Variants in GPR107 observed in about 807,000 individuals in gnomAD.
GPR107 encodes protein GPR107.
A neutral mutation model predicts 75.5 loss-of-function variants in GPR107; 31 were observed. That is an observed-to-expected ratio of 0.41 (90% CI 0.31 to 0.55). The LOEUF is 0.55. Among genes scored for constraint, GPR107 ranks in the 20% least tolerant of loss-of-function variants. The probability of loss-of-function intolerance (pLI) is 0.26; values close to 1 mark genes in which losing one functional copy is unlikely to be tolerated. For missense variants in GPR107, 572 were observed against 665.7 expected, an observed-to-expected ratio of 0.86 and a Z score of 1.55; for synonymous variants, 267 against 251.3, an observed-to-expected ratio of 1.06 and a Z score of -0.59.
chr9:130,109,409 G>A (rs1831239198), intron 14 of GPR107, among the ~76,000 whole-genome samples: 3 of 151,802 alleles, frequency 2.0e-5, no homozygotes, highest in Admixed American at 2.0e-4. Context: ...GACCTCAAGT[G>A]ATCTGCCTGC....
intron 14 of GPR107, among the ~76,000 whole-genome samples, chr9:130,114,026 ATTCTTTTTTTTT>A (rs1459690207): frequency 2.7e-5 from 2 of 75,406 alleles, no homozygotes; most frequent in Non-Finnish European, 5.8e-5. Context: ...TGGTCTTCTC[ATTCTTTTTTTTT>A]TTTTTTTTTT....
chr9:130,062,561 C>T (rs1829952480), intron 1 of GPR107, among the ~76,000 whole-genome samples: 2 of 151,800 alleles, frequency 1.3e-5, no homozygotes, highest in African/African-American at 2.4e-5. Context: ...GAGACAGGCC[C>T]ATAGACAGGT....
At position 130,090,971 on chromosome 9, in the gene GPR107, AT is replaced by A; in HGVS notation, c.719del (p.Phe240SerfsTer58). 7.0e-7 allele frequency: 1 copy of A among 1,433,850 alleles called. No homozygotes were observed. The highest frequency in any genetic ancestry group is 9.8e-7 in the Non-Finnish European group (1 of 1,017,748). The allele number at this position is 1,433,850 out of a possible 1,614,324, so 88.8% of individuals were successfully genotyped here. On this transcript the variant is annotated frameshift_variant, in exon 8 of 18. Coordinates refer to ENST00000347136, the MANE Select transcript of GPR107 (RefSeq NM_020960.5). LOFTEE classifies it high-confidence loss of function. ...AAGAATTGCCAAGTGACAAGTTTAC[AT>A]TCAGCCTTGATGTGAGTACTGTTTG... is the stretch of plus-strand genomic sequence containing the variant. ...GKELPSDKFT[F>X]SLDIEITEKN...
rs2132627552 is a variant in GPR107 at position 130,112,008 on chromosome 9, G to A, written c.1306+4469G>A. On this transcript the variant is annotated intron_variant, in intron 14 of 17. Coordinates refer to ENST00000347136, the MANE Select transcript of GPR107 (RefSeq NM_020960.5). This position sits in a 1 kb window ranked among gnomAD's most constrained non-coding sequence, Gnocchi z 4.0. ...CTGTCTCGCCTGCTAAGATTTACTG[G>A]CTCTGACTGCCCTTGAGCCCGCATC... is the stretch of plus-strand genomic sequence containing the variant. Among the ~76,000 whole-genome samples the A allele has an allele frequency of 6.6e-6, 1 of 152,226 alleles. No individual in the cohort carries two copies. The highest frequency in any genetic ancestry group is 2.1e-4 in the South Asian group (1 of 4,822).
chr9:130,062,656 G>T (rs12380250), intron 1 of GPR107, among the ~76,000 whole-genome samples: 1,930 of 46,036 alleles, frequency 0.042, 21 homozygotes, highest in African/African-American at 0.052. Context: ...CTGCCTGCCT[G>T]CCTGCCTTCC....
rs1831111915 is a variant in GPR107 at position 130,104,446 on chromosome 9, C to T, written c.1158C>T (p.Ile386=). 2.5e-6 allele frequency: 4 copies of T among 1,613,390 alleles called. No individual in the cohort carries two copies. The highest frequency in any genetic ancestry group is 2.2e-5 in the South Asian group (2 of 91,060). The part of the protein sequence containing the change: ...LQVLANVAYI[I]IESTEEGTTE... The stretch of plus-strand genomic sequence containing the variant: ...TCCTGGCAAATGTAGCCTACATCAT[C>T]ATAGAGTCCACCGAGGAGGGCACGA... The change falls in exon 13 of 18, where the codon ATC becomes ATT. Residue 386 remains isoleucine (I), a synonymous_variant. Transcript: ENST00000347136.
intron 14 of GPR107, among the ~76,000 whole-genome samples, chr9:130,115,562 C>T (rs957961473): frequency 1.3e-5 from 2 of 151,718 alleles, no homozygotes; most frequent in East Asian, 1.9e-4. Flanking sequence ...GCCAGGAGAT[C>T]GAGACCATCC....
At chr9:130,092,663 T>C (rs985351712) in intron 9 of GPR107, among the ~76,000 whole-genome samples, 2 of 152,026 alleles carry the variant, frequency 1.3e-5, no homozygotes, top group African/African-American at 4.8e-5. Context: ...TATCCCAGGC[T>C]GGAGTGCAGT....
chr9:130,080,692 G>C (rs1400439852), intron 5 of GPR107, among the ~76,000 whole-genome samples: 1 of 150,838 alleles, frequency 6.6e-6, no homozygotes, highest in Non-Finnish European at 1.5e-5. Context: ...AGGGTTTCAC[G>C]GTGTTAGCTA....
chr9:130,072,959 C>T (rs556897950), intron 1 of GPR107, among the ~76,000 whole-genome samples: 12 of 152,254 alleles, frequency 7.9e-5, no homozygotes, highest in African/African-American at 2.4e-4. Flanking sequence ...CAACTCAGCG[C>T]ATTTCCAGAA....
chr9:130,106,572 G>A (rs1364276682), intron 13 of GPR107, among the ~76,000 whole-genome samples: 3 of 150,508 alleles, frequency 2.0e-5, no homozygotes, highest in African/African-American at 7.3e-5. Flanking sequence ...ACTCCAGCCT[G>A]GCGACAGAAC....
At chr9:130,134,349 TC>T (rs1588089929) in intron 17 of GPR107, among the ~76,000 whole-genome samples, 2 of 152,196 alleles carry the variant, frequency 1.3e-5, no homozygotes, top group African/African-American at 4.8e-5. Context: ...CCAGCGATCT[TC>T]CATTTTTAAT....
Position 130,137,140 on chromosome 9 carries a change from G to C in GPR107, c.*2019G>C, listed in dbSNP as rs1483784346. ...CGCAAGCAGATGTTGTGGATGAGGC[G>C]ATAGACTCCTTGGCAAGAACGAAAG... On this transcript the variant is annotated 3_prime_UTR_variant, in exon 18 of 18. Coordinates refer to ENST00000347136, the MANE Select transcript of GPR107 (RefSeq NM_020960.5). 1 of 152,244 alleles carries C rather than the reference G, an allele frequency of 6.6e-6. No homozygotes were observed. Among genetic ancestry groups the C allele is most frequent in the African/African-American group, 2.4e-5 (1 of 41,462 alleles). The allele number at this position is 152,244 out of a possible 1,614,324, so 9.4% of individuals were successfully genotyped here. A position where few individuals can be genotyped will look rare whatever the true frequency, so the allele number is the denominator to read the frequency against.
chr9:130,116,641 C>G (rs1831434649), intron 14 of GPR107, among the ~76,000 whole-genome samples: 1 of 152,122 alleles, frequency 6.6e-6, no homozygotes, highest in African/African-American at 2.4e-5. Flanking sequence ...AGTCTGAGAT[C>G]AGCGTGGCCC....
rs1274630051 is a variant in GPR107 at position 130,075,679 on chromosome 9, TC to T, written c.186del (p.Phe62LeufsTer8). ...HKVHLNTFGF[F>X]KDGYMVVNVS... ...GTTCATCTGAACACCTTTGGCTTCT[TC>T]AAGGATGGGTACATGGTGGTGAATG... On this transcript the variant is annotated frameshift_variant, in exon 2 of 18. Coordinates refer to ENST00000347136, the MANE Select transcript of GPR107 (RefSeq NM_020960.5). LOFTEE classifies it high-confidence loss of function. The T allele has an allele frequency of 6.2e-7, 1 of 1,609,898 alleles. No homozygotes were observed. The highest frequency in any genetic ancestry group is 8.5e-7 in the Non-Finnish European group (1 of 1,176,120).
At position 130,103,972 on chromosome 9, in the gene GPR107, A is replaced by C. The variant is rs1831099092; in HGVS notation, c.1132-448A>C. Among the ~76,000 whole-genome samples the C allele has an allele frequency of 6.6e-6, 1 of 152,164 alleles. No individual in the cohort carries two copies. The highest frequency in any genetic ancestry group is 1.5e-5 in the Non-Finnish European group (1 of 68,030). On this transcript the variant is annotated intron_variant, in intron 12 of 17. Coordinates refer to ENST00000347136, the MANE Select transcript of GPR107 (RefSeq NM_020960.5). This position sits in a 1 kb window ranked among gnomAD's most constrained non-coding sequence, Gnocchi z 4.3. ...CACACCATGGCTGGGAGCATCTTGA[A>C]GTCTCCACTCGCATCTGTCTTCTGG...
intron 6 of GPR107, among the ~76,000 whole-genome samples, chr9:130,085,402 G>T (rs1406240773): frequency 2.0e-5 from 3 of 152,080 alleles, no homozygotes; most frequent in Admixed American, 2.0e-4. Flanking sequence ...CTCCATGAGG[G>T]GGACATCTAA....
At chr9:130,109,434 G>T (rs1831239655) in intron 14 of GPR107, among the ~76,000 whole-genome samples, 1 of 152,054 alleles carries the variant, frequency 6.6e-6, no homozygotes, top group East Asian at 1.9e-4. Flanking sequence ...GCCTCCCAAA[G>T]TGCTGGGATT....
At chr9:130,096,702 A>G (rs1000539172) in intron 9 of GPR107, among the ~76,000 whole-genome samples, 1 of 152,094 alleles carries the variant, frequency 6.6e-6, no homozygotes. Flanking sequence ...TCCTGACCTC[A>G]GGTGATCGGC....
Sources: allele counts gnomAD v4.1 joint callset (sites outside exome capture counted in the v4.1 genomes callset), GRCh38; gene constraint gnomAD v4.1.1; non-coding constraint Gnocchi (gnomAD v3.1); transcripts MANE v1.5; gene names NCBI Gene and HGNC (gene_info 2026-07-23, HGNC 2026-07-21).